The following DLGAP4 variants were observed in gnomAD, a reference collection of about 807,000 sequenced individuals.
The protein encoded by DLGAP4 is disks large-associated protein 4.
A neutral mutation model predicts 86.9 loss-of-function variants in DLGAP4; 18 were observed. The observed-to-expected ratio is 0.21, with a 90% confidence interval of 0.14 to 0.31. DLGAP4 has a LOEUF of 0.31. Ranked by LOEUF, DLGAP4 falls within the 10% of genes least tolerant of loss-of-function variation. The pLI, the probability that DLGAP4 is intolerant of heterozygous loss-of-function variation, is 1.00. For missense variants in DLGAP4, 1,085 were observed against 1,362.6 expected, an observed-to-expected ratio of 0.80 and a Z score of 3.21; for synonymous variants, 548 against 574.3, an observed-to-expected ratio of 0.95 and a Z score of 0.65.
At chr20:36,307,513 G>GA (rs1454674585) in intron 1 of DLGAP4, among the ~76,000 whole-genome samples, 1 of 152,176 alleles carries the variant, frequency 6.6e-6, no homozygotes, top group African/African-American at 2.4e-5. Flanking sequence ...GTTGATGTGG[G>GA]AAAAAATGAA....
rs1427238756 is a variant in DLGAP4 at position 36,310,213 on chromosome 20, AAAGAAAGAAAGAAAGAAAGAAAG to A, written c.-304+3704_-304+3726del. ...GAAAGAAAGAAAGAAAGAAAGAAAG[AAAGAAAGAAAGAAAGAAAGAAAG>A]AAAGAAAAGAAAAGAATTGCATGGA... is the stretch of plus-strand genomic sequence containing the variant. On this transcript the variant is annotated intron_variant, in intron 1 of 12. Transcript: ENST00000339266. Among the ~76,000 whole-genome samples, 39 of 4,476 alleles carry A rather than the reference AAAGAAAGAAAGAAAGAAAGAAAG, an allele frequency of 8.7e-3. 4 individuals carry two copies. The highest frequency in any genetic ancestry group is 0.085 in the Admixed American group (24 of 284). The allele number at this position is 4,476 out of a possible 152,430, so 2.9% of individuals were successfully genotyped here.
At chr20:36,332,015 A>G (rs568360850) in intron 1 of DLGAP4, among the ~76,000 whole-genome samples, 3 of 151,072 alleles carry the variant, frequency 2.0e-5, no homozygotes, top group East Asian at 3.9e-4. Context: ...AAATAAGGAC[A>G]GGGGGTGCGT....
In DLGAP4 at chr20:36,499,562, C is replaced by T. The variant is rs755212088; in HGVS notation, c.2011-26C>T. 50 of 1,607,446 alleles carry T rather than the reference C, an allele frequency of 3.1e-5. 1 individual carries two copies. In the South Asian group the frequency reaches 3.2e-4, roughly 10 times the overall value. On this transcript the variant is annotated intron_variant, in intron 8 of 12. Transcript: ENST00000339266. Reference sequence around the variant, plus strand: ...TTTATTTTTGTCTTTGTCTCCGTGCCGTTGCTGTCGTTGTCCTTCAATAAG... The same window carrying T: ...TTTATTTTTGTCTTTGTCTCCGTGCTGTTGCTGTCGTTGTCCTTCAATAAG...
intron 10 of DLGAP4, among the ~76,000 whole-genome samples, chr20:36,514,042 A>G (rs1022845258): frequency 5.3e-5 from 8 of 152,236 alleles, no homozygotes; most frequent in East Asian, 1.9e-4. Context: ...TAATAAGTAG[A>G]GAAGACAAGC....
At chr20:36,310,774 C>T (rs962248005) in intron 1 of DLGAP4, among the ~76,000 whole-genome samples, 3 of 152,084 alleles carry the variant, frequency 2.0e-5, no homozygotes, top group South Asian at 4.1e-4. Context: ...GTGGGGCTGG[C>T]GAGGCTTGGC....
intron 1 of DLGAP4, among the ~76,000 whole-genome samples, chr20:36,359,750 G>A (rs1394799457): frequency 1.3e-5 from 2 of 152,156 alleles, no homozygotes; most frequent in Admixed American, 6.5e-5. Flanking sequence ...GACTGCACAG[G>A]CTGTTCCTAT....
In DLGAP4 at chr20:36,499,621, C is replaced by A; in HGVS notation, c.2044C>A (p.Pro682Thr). 6.2e-7 allele frequency: 1 copy of A among 1,614,020 alleles called. No individual in the cohort carries two copies. Among genetic ancestry groups the A allele is most frequent in the Middle Eastern group, 1.6e-4 (1 of 6,062 alleles). ...DCIQPVPKEE[P>T]SPATKFQSIG... ...CATTCAGCCAGTGCCAAAAGAGGAG[C>A]CCAGTCCCGCTACCAAATTCCAGTC... The change falls in exon 9 of 13, where the codon CCC (proline) becomes ACC (threonine). Residue 682 changes from proline to threonine, a missense_variant. Pro to Thr is a conservative substitution (Grantham distance 38, BLOSUM62 -1). This residue lies in a region of DLGAP4 where 1,082 missense variants were observed against 1,344.1 expected (regional missense o/e 0.81). Coordinates refer to ENST00000339266, the MANE Select transcript of DLGAP4 (RefSeq NM_001365621.2).
chr20:36,369,553 C>T (rs1254832099), intron 2 of DLGAP4, among the ~76,000 whole-genome samples: 2 of 152,040 alleles, frequency 1.3e-5, no homozygotes, highest in Non-Finnish European at 2.9e-5. Flanking sequence ...TGCACTCCAG[C>T]CTGGCCAATG....
Position 36,442,712 on chromosome 20 carries a change from C to T in DLGAP4, c.1357-15C>T, listed in dbSNP as rs1272865071. The T allele has an allele frequency of 1.2e-6, 2 of 1,614,082 alleles. No individual in the cohort carries two copies. The highest frequency in any genetic ancestry group is 8.5e-7 in the Non-Finnish European group (1 of 1,180,050). ...CCCTGGTCCTTCCATAACCCTCACC[C>T]TCTCTTTCCTGCAGATTTTTGGACA... is the stretch of plus-strand genomic sequence containing the variant. On this transcript the variant is annotated splice_polypyrimidine_tract_variant and intron_variant, in intron 5 of 12. Coordinates refer to ENST00000339266, the MANE Select transcript of DLGAP4 (RefSeq NM_001365621.2).
At chr20:36,383,014 C>T (rs2031460602) in intron 2 of DLGAP4, among the ~76,000 whole-genome samples, 1 of 152,218 alleles carries the variant, frequency 6.6e-6, no homozygotes, top group East Asian at 1.9e-4. Context: ...TTATGTGCCA[C>T]ACTTGGTGCT....
Position 36,436,327 on chromosome 20 carries a change from G to T in DLGAP4, c.1218G>T (p.Leu406=). Residue 406 remains leucine, a synonymous_variant, in exon 4 of 13, where the codon CTG becomes CTT. Coordinates refer to ENST00000339266, the MANE Select transcript of DLGAP4 (RefSeq NM_001365621.2). Reference sequence around the variant, plus strand: ...ATCTGAGGGCCACGCAGCAGTCGCTGGGAGAGCAGAGCAACCCCCGCAGGT... The same window carrying T: ...ATCTGAGGGCCACGCAGCAGTCGCTTGGAGAGCAGAGCAACCCCCGCAGGT... The part of the protein sequence containing the change: ...QSYLRATQQS[L]GEQSNPRRSL... The T allele has an allele frequency of 6.2e-7, 1 of 1,600,608 alleles. No individual in the cohort carries two copies.
intron 2 of DLGAP4, among the ~76,000 whole-genome samples, chr20:36,417,543 G>A (rs903359977): frequency 2.6e-5 from 4 of 151,910 alleles, no homozygotes; most frequent in Admixed American, 6.6e-5. Context: ...GGCTACACCT[G>A]GCCAAATTTT....
chr20:36,514,491 G>C (rs924764137), intron 10 of DLGAP4, among the ~76,000 whole-genome samples: 2 of 152,100 alleles, frequency 1.3e-5, no homozygotes, highest in Admixed American at 6.5e-5. Flanking sequence ...GCTCAATGCA[G>C]CCTTGAACTC....
intron 2 of DLGAP4, among the ~76,000 whole-genome samples, chr20:36,373,553 G>T (rs558810657): frequency 6.6e-6 from 1 of 152,232 alleles, no homozygotes; most frequent in African/African-American, 2.4e-5. Flanking sequence ...GCTGGGGGTG[G>T]GGTCAATACC....
intron 1 of DLGAP4, among the ~76,000 whole-genome samples, chr20:36,342,179 A>G (rs1037107028): frequency 1.3e-5 from 2 of 152,028 alleles, no homozygotes; most frequent in Non-Finnish European, 2.9e-5. Context: ...GCCTCCATAC[A>G]TTTGCTGTGT....
Position 36,478,386 on chromosome 20 carries a change from A to G in DLGAP4, c.1649-18319A>G, listed in dbSNP as rs1294548382. On this transcript the variant is annotated intron_variant, in intron 7 of 12. Transcript: ENST00000339266. ...GGCAGTCCTGGGAGGGGAAAGGACT[A>G]TGAAGGGCAATTGATGTCACAGGTC... 2.6e-5 allele frequency among the ~76,000 whole-genome samples: 4 copies of G among 152,226 alleles called. No homozygotes were observed. In the East Asian group the frequency reaches 5.8e-4, roughly 22 times the overall value.
rs371631194 is a variant in DLGAP4 at position 36,328,222 on chromosome 20, T to A, written c.-304+21710T>A. Among the ~76,000 whole-genome samples the A allele has an allele frequency of 6.9e-3, 1,053 of 151,778 alleles. 14 individuals are homozygous for A. The highest frequency in any genetic ancestry group is 0.024 in the African/African-American group (1,003 of 41,382). ...TCAAGAAAATAAAAAAAATAAAAAA[T>A]AAAAATTCTAAATTTAAAGTGCACA... On this transcript the variant is annotated intron_variant, in intron 1 of 12. Coordinates refer to ENST00000339266, the MANE Select transcript of DLGAP4 (RefSeq NM_001365621.2).
At chr20:36,454,279 A>T (rs913294846) in intron 7 of DLGAP4, among the ~76,000 whole-genome samples, 60 of 152,068 alleles carry the variant, frequency 3.9e-4, no homozygotes, top group African/African-American at 9.4e-4. Context: ...AAAAGATAGA[A>T]AGAAAGGGCA....
intron 7 of DLGAP4, among the ~76,000 whole-genome samples, chr20:36,473,835 G>A (rs1273080991): frequency 6.6e-6 from 1 of 152,100 alleles, no homozygotes; most frequent in African/African-American, 2.4e-5. Context: ...GTCCCTAAGG[G>A]CACCTACTGA....
Sources: allele counts gnomAD v4.1 joint callset (sites outside exome capture counted in the v4.1 genomes callset), GRCh38; gene constraint gnomAD v4.1.1; regional missense constraint gnomAD v4.1.1; transcripts MANE v1.5; gene names NCBI Gene and HGNC (gene_info 2026-07-23, HGNC 2026-07-21).